Variants in PVT1 observed in about 807,000 individuals in gnomAD.
PVT1 encodes the protein CXCR4/PVT1 fusion.
intron 2 of PVT1, among the ~76,000 whole-genome samples, chr8:127,823,015 G>T (rs1343602203): frequency 6.6e-6 from 1 of 152,164 alleles, no homozygotes; most frequent in African/African-American, 2.4e-5. Flanking sequence ...AGAGTCTTTG[G>T]CAAGAAGATC....
intron 4 of PVT1, among the ~76,000 whole-genome samples, chr8:128,030,889 C>G (rs1034026329): frequency 6.6e-6 from 1 of 152,220 alleles, no homozygotes; most frequent in Non-Finnish European, 1.5e-5. Context: ...GCCCCAGTCC[C>G]AGGCCTGCCC....
At chr8:128,063,946 C>T (rs1324298391) in intron 4 of PVT1, among the ~76,000 whole-genome samples, 2 of 151,930 alleles carry the variant, frequency 1.3e-5, no homozygotes, top group African/African-American at 4.8e-5. Flanking sequence ...TTCAAAACAT[C>T]GTGTTGTAAA....
At chr8:127,977,032 A>T (rs1418948867) in intron 3 of PVT1, among the ~76,000 whole-genome samples, 1 of 152,156 alleles carries the variant, frequency 6.6e-6, no homozygotes, top group Non-Finnish European at 1.5e-5. Flanking sequence ...TGTTCTCTAG[A>T]ATACTTCGTA....
intron 2 of PVT1, among the ~76,000 whole-genome samples, chr8:127,856,870 G>T (rs1380510312): frequency 6.6e-6 from 1 of 152,216 alleles, no homozygotes; most frequent in Non-Finnish European, 1.5e-5. Flanking sequence ...CTGGGGTGAG[G>T]AGGGAAACCT....
intron 4 of PVT1, among the ~76,000 whole-genome samples, chr8:127,989,890 T>C (rs562351678): frequency 2.0e-5 from 3 of 152,290 alleles, no homozygotes; most frequent in African/African-American, 7.2e-5. Context: ...CTTGGTCTCC[T>C]CATTAGTAAA....
At chr8:127,796,716 C>T (rs556430755) in intron 2 of PVT1, among the ~76,000 whole-genome samples, 10 of 152,250 alleles carry the variant, frequency 6.6e-5, no homozygotes, top group East Asian at 3.9e-4. Flanking sequence ...GGATAGTTGC[C>T]GGTCCAGGTC....
At chr8:127,966,610 A>G (rs755521) in intron 3 of PVT1, among the ~76,000 whole-genome samples, 1 of 152,140 alleles carries the variant, frequency 6.6e-6, no homozygotes, top group Non-Finnish European at 1.5e-5. Flanking sequence ...GCCCTTAGCC[A>G]CGTGGGGCTG....
At chr8:128,091,571 T>C (rs1018180515) in intron 5 of PVT1, among the ~76,000 whole-genome samples, 3 of 152,168 alleles carry the variant, frequency 2.0e-5, no homozygotes, top group Admixed American at 1.3e-4. Flanking sequence ...CTCTCTGTTC[T>C]CCAGAAGTGC....
intron 2 of PVT1, among the ~76,000 whole-genome samples, chr8:127,837,053 C>T (rs1476955537): frequency 6.6e-6 from 1 of 152,166 alleles, no homozygotes; most frequent in East Asian, 1.9e-4. Context: ...ATAAGCCAGG[C>T]CCCCTGAGGG....
intron 3 of PVT1, among the ~76,000 whole-genome samples, chr8:127,933,338 G>C (rs1322246398): frequency 6.6e-6 from 1 of 152,218 alleles, no homozygotes; most frequent in Non-Finnish European, 1.5e-5. Context: ...GCCTCCCAAA[G>C]TGCTGGGGTT....
chr8:127,919,794 G>C (rs1164147192), intron 3 of PVT1, among the ~76,000 whole-genome samples: 1 of 152,214 alleles, frequency 6.6e-6, no homozygotes, highest in African/African-American at 2.4e-5. Context: ...AAGCCTCCAA[G>C]CCCTCGCATG....
chr8:127,915,180 A>G (rs1815967382), intron 3 of PVT1, among the ~76,000 whole-genome samples: 1 of 152,158 alleles, frequency 6.6e-6, no homozygotes, highest in Non-Finnish European at 1.5e-5. Context: ...CCAGATAGAC[A>G]TGGTGATTAT....
chr8:128,098,435 C>G (rs1050132622), intron 6 of PVT1, among the ~76,000 whole-genome samples: 3 of 152,084 alleles, frequency 2.0e-5, no homozygotes, highest in African/African-American at 7.2e-5. Context: ...TTCAAGTCAC[C>G]CTTGTCCCCT....
intron 3 of PVT1, among the ~76,000 whole-genome samples, chr8:127,920,574 A>G (rs1563639770): frequency 6.6e-6 from 1 of 152,224 alleles, no homozygotes; most frequent in Non-Finnish European, 1.5e-5. Context: ...TAAACACTCA[A>G]TAAATGTTAG....
chr8:127,838,046 C>T (rs891926319), intron 2 of PVT1, among the ~76,000 whole-genome samples: 11 of 151,754 alleles, frequency 7.2e-5, no homozygotes, highest in Non-Finnish European at 1.5e-4. Context: ...TACAGGCATG[C>T]GCCACCATGC....
intron 2 of PVT1, among the ~76,000 whole-genome samples, chr8:127,853,218 G>A (rs932896292): frequency 4.6e-5 from 7 of 152,074 alleles, no homozygotes; most frequent in Admixed American, 1.3e-4. Flanking sequence ...GCAGGAGGCC[G>A]GGGAAAGTGA....
intron 5 of PVT1, among the ~76,000 whole-genome samples, chr8:128,094,267 CA>C (rs1814398839): frequency 6.6e-6 from 1 of 152,080 alleles, no homozygotes; most frequent in South Asian, 2.1e-4. Flanking sequence ...GAAAATGTTA[CA>C]TTTTTAAATG....
At position 127,898,564 on chromosome 8, in the gene PVT1, T is replaced by G. The variant is rs888486648; in HGVS notation, n.782+7566T>G. ...CCAGACTGAGGCAGTGAAGTCACCA[T>G]AATTGATGGGCCACACTAGACTGGA... On this transcript the variant is annotated intron_variant and non_coding_transcript_variant, in intron 3 of 10. Coordinates refer to ENST00000651587, the Ensembl canonical transcript of PVT1. The surrounding 1 kb of genome is among the most constrained non-coding windows in gnomAD (Gnocchi z 4.4). Among the ~76,000 whole-genome samples the G allele has an allele frequency of 6.6e-6, 1 of 152,198 alleles. No homozygotes were observed. The highest frequency in any genetic ancestry group is 2.4e-5 in the African/African-American group (1 of 41,452).
At chr8:127,794,565 A>AT (rs1281435101) in exon 1 of PVT1, 1 of 151,546 alleles carries the variant, frequency 6.6e-6, no homozygotes, top group African/African-American at 2.4e-5. Flanking sequence ...GGCCGAGCAC[A>AT]TGGGCCCGCG....
Sources: allele counts gnomAD v4.1 joint callset (sites outside exome capture counted in the v4.1 genomes callset), GRCh38; gene constraint gnomAD v4.1.1; non-coding constraint Gnocchi (gnomAD v3.1); transcripts MANE v1.5; gene names NCBI Gene and HGNC (gene_info 2026-07-23, HGNC 2026-07-21).